The following NSD2 variants were observed in gnomAD, a reference collection of about 807,000 sequenced individuals.
NSD2 encodes nuclear receptor binding SET domain protein 2, also known as histone-lysine N-methyltransferase NSD2.
In NSD2, 12 loss-of-function variants were observed where a neutral mutation model predicts 139.0. That is an observed-to-expected ratio of 0.09 (90% CI 0.06 to 0.14). NSD2 has a LOEUF of 0.14. Ranked by LOEUF, NSD2 falls within the 10% of genes least tolerant of loss-of-function variation. NSD2 has a pLI of 1.00. For synonymous variants in NSD2, 669 were observed against 648.7 expected, an observed-to-expected ratio of 1.03 and a Z score of -0.48; for missense variants, 1,155 against 1,745.0, an observed-to-expected ratio of 0.66 and a Z score of 6.02.
intron 3 of NSD2, among the ~76,000 whole-genome samples, chr4:1,911,307 G>T (rs1718624482): frequency 6.6e-6 from 1 of 152,146 alleles, no homozygotes; most frequent in Non-Finnish European, 1.5e-5. Flanking sequence ...TAGGAAGAGG[G>T]CCAGGTGCAG....
chr4:1,924,981 C>A (rs1269599149), intron 5 of NSD2, among the ~76,000 whole-genome samples: 1 of 152,176 alleles, frequency 6.6e-6, no homozygotes, highest in Non-Finnish European at 1.5e-5. Flanking sequence ...TCTGCCCTGC[C>A]CACCCCTGGT....
At chr4:1,899,936 A>G (rs990229895) in intron 1 of NSD2, among the ~76,000 whole-genome samples, 13 of 152,138 alleles carry the variant, frequency 8.5e-5, no homozygotes, top group African/African-American at 3.1e-4. Flanking sequence ...CACGGAGGGG[A>G]TTAGTGGACT....
At chr4:1,920,089 C>G (rs546497721) in intron 5 of NSD2, among the ~76,000 whole-genome samples, 2 of 152,306 alleles carry the variant, frequency 1.3e-5, no homozygotes, top group African/African-American at 4.8e-5. Flanking sequence ...AATAAATCTA[C>G]TGGACATGAT....
intron 7 of NSD2, 67 bp downstream of exon 7, chr4:1,935,329 T>G (rs934939634): frequency 1.6e-5 from 20 of 1,266,166 alleles, no homozygotes; most frequent in East Asian, 2.4e-5. Context: ...TGCCACTGTT[T>G]CCCTGCATGG....
In NSD2 at chr4:1,918,376, A is replaced by C. The variant is rs760499309; in HGVS notation, c.1163A>C (p.Lys388Thr). The C allele has an allele frequency of 6.2e-7, 1 of 1,614,140 alleles. No individual in the cohort carries two copies. Among genetic ancestry groups the C allele is most frequent in the South Asian group, 1.1e-5 (1 of 91,084 alleles). Residue 388 changes from lysine to threonine, a missense_variant, in exon 5 of 22, where the codon AAG becomes ACG. Physicochemically the swap from Lys to Thr is moderately conservative, Grantham distance 78. Around this residue, in one of 8 missense-constraint regions of NSD2, gnomAD observed 420 missense variants for 469.0 expected, o/e 0.90. Coordinates refer to ENST00000508803, the MANE Select transcript of NSD2 (RefSeq NM_001042424.3). Reference protein sequence around the residue: ...GVSEEAAENPKSVREECIPMK... With the variant: ...GVSEEAAENPTSVREECIPMK... ...AGTGAAGAAGCTGCTGAAAACCCCA[A>C]GTCTGTGAGAGAAGAGTGCATTCCC...
chr4:1,935,250 C>G lies in NSD2; in HGVS notation c.1662C>G (p.His554Gln), dbSNP rs1273557385. Reference sequence around the variant, plus strand: ...GGAAAAGACTCAGGACGGACAAGCACAGTCTTCGGAAGGTAATTGTGTTCC... The same window carrying G: ...GGAAAAGACTCAGGACGGACAAGCAGAGTCTTCGGAAGGTAATTGTGTTCC... ...TPRKRLRTDK[H>Q]SLRKRDTITD... The change falls in exon 7 of 22, where the codon CAC (histidine) becomes CAG (glutamine). Residue 554 changes from histidine (H) to glutamine (Q), a missense_variant. Around this residue, in one of 8 missense-constraint regions of NSD2, gnomAD observed 420 missense variants for 469.0 expected, o/e 0.90. Coordinates refer to ENST00000508803, the MANE Select transcript of NSD2 (RefSeq NM_001042424.3). 5.0e-6 allele frequency: 8 copies of G among 1,612,440 alleles called. No homozygotes were observed. The highest frequency in any genetic ancestry group is 4.5e-5 in the East Asian group (2 of 44,818).
intron 1 of NSD2, among the ~76,000 whole-genome samples, chr4:1,872,056 C>T (rs1394509147): frequency 6.6e-6 from 1 of 151,622 alleles, no homozygotes; most frequent in African/African-American, 2.4e-5. Flanking sequence ...GGGGCCGGCG[C>T]CGGGGCCAGG....
intron 5 of NSD2, among the ~76,000 whole-genome samples, chr4:1,929,465 G>T (rs975532878): frequency 2.3e-4 from 35 of 152,316 alleles, no homozygotes; most frequent in Middle Eastern, 3.4e-3. Flanking sequence ...GAACTACCCA[G>T]TAGAGGAGCC....
intron 3 of NSD2, among the ~76,000 whole-genome samples, chr4:1,908,177 T>TC (rs1163430616): frequency 6.6e-6 from 1 of 152,190 alleles, no homozygotes; most frequent in African/African-American, 2.4e-5. Flanking sequence ...AGAACAGCAC[T>TC]CCCAATCCCC....
intron 17 of NSD2, 111 bp downstream of exon 17, chr4:1,959,851 G>GA (rs61464782): frequency 1.6e-5 from 23 of 1,446,810 alleles, no homozygotes; most frequent in East Asian, 2.4e-5. Flanking sequence ...GTATTTTTTG[G>GA]AAAAAAAATT....
chr4:1,872,591 T>TGTGTGTGAGAGA (rs1281608141), intron 1 of NSD2, among the ~76,000 whole-genome samples: 17 of 44,840 alleles, frequency 3.8e-4, no homozygotes, highest in East Asian at 2.5e-3. Flanking sequence ...TGTGTGTGTG[T>TGTGTGTGAGAGA]GAGAGAGAGA....
intron 1 of NSD2, among the ~76,000 whole-genome samples, chr4:1,886,663 C>T (rs542677665): frequency 6.6e-6 from 1 of 152,166 alleles, no homozygotes; most frequent in East Asian, 1.9e-4. Flanking sequence ...AACCCCGTCT[C>T]TACTAAAATA....
At chr4:1,923,133 G>A (rs529401006) in intron 5 of NSD2, among the ~76,000 whole-genome samples, 1 of 151,698 alleles carries the variant, frequency 6.6e-6, no homozygotes, top group African/African-American at 2.4e-5. Flanking sequence ...GGAGAGGGAA[G>A]GATTTCTTAA....
rs200130380 is a variant in NSD2, at chr4:1,975,298, G to A, written c.3519G>A (p.Thr1173=). Residue 1173 remains threonine, a synonymous_variant, in exon 20 of 22, where the codon ACG becomes ACA. Coordinates refer to ENST00000508803, the MANE Select transcript of NSD2 (RefSeq NM_001042424.3). ...LFAVCDIPAG[T]ELTFNYNLDC... ...GTCTGTCTCCTCTTCTCCCAGGGAC[G>A]GAGCTGACTTTTAACTACAACCTCG... The A allele has an allele frequency of 1.3e-4, 211 of 1,614,134 alleles. No homozygotes were observed. Among genetic ancestry groups the A allele is most frequent in the Admixed American group, 1.2e-3 (70 of 60,012 alleles).
rs1469345057 is a variant in NSD2 at position 1,979,689 on chromosome 4, T to TA, written c.*781dup. On this transcript the variant is annotated 3_prime_UTR_variant, in exon 22 of 22. Transcript: ENST00000508803. ...CTATCTTCTGAACTCGCTAGGTTCT[T>TA]ATCAACATTTGGGGGATAACTTTGT... 3 of 232,408 alleles carry TA rather than the reference T, an allele frequency of 1.3e-5. No homozygotes were observed. The highest frequency in any genetic ancestry group is 6.6e-5 in the African/African-American group (3 of 45,312). 14.4% of individuals were successfully genotyped at this position (232,408 alleles called of 1,614,324 possible).
At chr4:1,904,811 T>G (rs1198726570) in intron 3 of NSD2, among the ~76,000 whole-genome samples, 2 of 152,154 alleles carry the variant, frequency 1.3e-5, no homozygotes, top group African/African-American at 4.8e-5. Context: ...AAATTGATTT[T>G]TACATGGAGC....
rs757383616 is a variant in NSD2 at position 1,955,245 on chromosome 4, C to G, written c.2423C>G (p.Ser808Cys). ...GCAGCAGGATGCTCAGTGATCGCCTCCAACAGCATCATCTGCACTGCCCAC... is the reference window on the plus strand; with the variant it reads ...GCAGCAGGATGCTCAGTGATCGCCTGCAACAGCATCATCTGCACTGCCCAC... ...CLAAGCSVIA[S>C]NSIICTAHFT... is the part of the protein sequence containing the mutation. The change falls in exon 13 of 22, where the codon TCC becomes TGC. Residue 808 changes from serine to cysteine, a missense_variant. By Grantham distance (112) the Ser-to-Cys change is moderately radical. Around this residue, in one of 8 missense-constraint regions of NSD2, gnomAD observed 120 missense variants for 239.3 expected, o/e 0.50. Transcript: ENST00000508803. This position sits in a 1 kb window ranked among gnomAD's most constrained non-coding sequence, Gnocchi z 4.7. The G allele has an allele frequency of 1.2e-4, 194 of 1,614,068 alleles. No homozygotes were observed. The highest frequency in any genetic ancestry group is 1.4e-4 in the Non-Finnish European group (170 of 1,180,044).
intron 21 of NSD2, among the ~76,000 whole-genome samples, chr4:1,977,985 G>A (rs563141533): frequency 6.6e-6 from 1 of 151,932 alleles, no homozygotes; most frequent in South Asian, 2.1e-4. Context: ...AAATTAGCTG[G>A]TCGTGGTGGC....
At chr4:1,871,595 G>C (rs1713764979) in intron 1 of NSD2, 53 bp downstream of exon 1, 1 of 150,746 alleles carries the variant, frequency 6.6e-6, no homozygotes, top group African/African-American at 2.4e-5. Flanking sequence ...CGGGGCTGGG[G>C]CCGGGAGGCC....
Sources: gnomAD v4.1 joint callset for allele counts (sites outside exome capture counted in the v4.1 genomes callset) on GRCh38, gnomAD v4.1.1 for gene constraint, gnomAD v4.1.1 regional missense constraint, Gnocchi (gnomAD v3.1) non-coding constraint, MANE v1.5 for transcripts, NCBI Gene and HGNC (gene_info 2026-07-23, HGNC 2026-07-21) for gene names.